Variants in PEPD observed in about 807,000 individuals in gnomAD.
The protein encoded by PEPD is peptidase D.
Under a neutral mutation model 60.7 loss-of-function variants are expected in PEPD, and 53 were observed. The ratio of observed to expected loss-of-function variants is 0.87; its 90% CI spans 0.70 to 1.10. The LOEUF (loss-of-function observed/expected upper bound fraction) is 1.10, where lower values mean the gene tolerates loss of function less well. Among genes scored for constraint, PEPD ranks in the 50% least tolerant of loss-of-function variants. PEPD has a pLI of 0.00. For synonymous variants in PEPD, 267 were observed against 284.1 expected (o/e 0.94, Z 0.60); for missense variants, 711 against 711.9 (o/e 1.00, Z 0.01).
rs149681286 is a variant in PEPD, at chr19:33,458,909, G to T, written c.671+4086C>A. Among the ~76,000 whole-genome samples the T allele has an allele frequency of 2.4e-5, 3 of 123,260 alleles. No homozygotes were observed. In the South Asian group the frequency reaches 8.2e-4, roughly 34 times the overall value. The allele number at this position is 123,260 out of a possible 152,430, so 80.9% of individuals were successfully genotyped here. A position where few individuals can be genotyped will look rare whatever the true frequency, so the allele number is the denominator to read the frequency against. ...ATCTGGGGCATGTGTCTGGTTGGGG[G>T]AGACCCTCAGGTCGTGTCCCCTCTC... On this transcript the variant is annotated intron_variant, in intron 9 of 14. Transcript: ENST00000244137.
At chr19:33,457,029 C>T (rs550913966) in intron 9 of PEPD, among the ~76,000 whole-genome samples, 24 of 150,334 alleles carry the variant, frequency 1.6e-4, no homozygotes, top group Admixed American at 9.3e-4. Flanking sequence ...CCAGAGTGCC[C>T]GGCAACACAG....
intron 7 of PEPD, among the ~76,000 whole-genome samples, chr19:33,469,401 T>C (rs1353128562): frequency 1.3e-5 from 2 of 152,138 alleles, no homozygotes; most frequent in Non-Finnish European, 2.9e-5. Context: ...AGGGCTATTC[T>C]CAACTTCCCG....
At chr19:33,492,515 CA>C (rs1266435370) in intron 5 of PEPD, among the ~76,000 whole-genome samples, 1 of 152,192 alleles carries the variant, frequency 6.6e-6, no homozygotes. Context: ...TCCATCACCT[CA>C]AGCATTTATC....
intron 11 of PEPD, among the ~76,000 whole-genome samples, chr19:33,404,350 T>C (rs1219278459): frequency 6.6e-6 from 1 of 152,054 alleles, no homozygotes; most frequent in Non-Finnish European, 1.5e-5. Flanking sequence ...CACGGATTCC[T>C]AGGAGGCGCC....
chr19:33,490,096 A>G (rs755182745), intron 5 of PEPD, 39 bp from the exon 6 acceptor site: 28 of 1,491,764 alleles, frequency 1.9e-5, no homozygotes, highest in East Asian at 1.6e-4. Flanking sequence ...ACGGGGCCGC[A>G]TGGCGCCCCC....
At chr19:33,493,944 C>T (rs143661725) in intron 4 of PEPD, among the ~76,000 whole-genome samples, 13 of 152,350 alleles carry the variant, frequency 8.5e-5, no homozygotes, top group Non-Finnish European at 1.0e-4. Context: ...CCTCTCTCCA[C>T]GCCTCTGCTC....
intron 3 of PEPD, among the ~76,000 whole-genome samples, chr19:33,505,989 T>C: frequency 8.4e-6 from 1 of 118,438 alleles, no homozygotes; most frequent in African/African-American, 3.4e-5. Flanking sequence ...ACAAACACCT[T>C]ACACATCACT....
Position 33,429,581 on chromosome 19 carries a change from AG to A in PEPD, c.672-15939del, listed in dbSNP as rs1969228145. On this transcript the variant is annotated intron_variant, in intron 9 of 14. Transcript: ENST00000244137. ...AATTATGCAAAAACTGTTATTTAAA[AG>A]AAAGTCATCAGACTATAAAGATAGA... Among the ~76,000 whole-genome samples, 3 of 152,382 alleles carry A rather than the reference AG, an allele frequency of 2.0e-5. No homozygotes were observed. In the South Asian group the frequency reaches 6.2e-4, roughly 32 times the overall value.
chr19:33,440,539 T>G (rs554559262), intron 9 of PEPD, among the ~76,000 whole-genome samples: 14 of 152,142 alleles, frequency 9.2e-5, no homozygotes, highest in Admixed American at 9.2e-4. Flanking sequence ...AGTCCTCTCC[T>G]CTGCCCGAGT....
intron 4 of PEPD, among the ~76,000 whole-genome samples, chr19:33,498,851 CAG>C (rs1420445917): frequency 3.3e-5 from 5 of 152,018 alleles, no homozygotes; most frequent in Non-Finnish European, 7.4e-5. Flanking sequence ...CCCGTTCCAC[CAG>C]GATCCCTGAG....
chr19:33,439,103 A>G (rs1969434959), intron 9 of PEPD, among the ~76,000 whole-genome samples: 1 of 152,254 alleles, frequency 6.6e-6, no homozygotes. Context: ...CAAGGACAGG[A>G]CATGGAGTCG....
At chr19:33,508,186 T>A (rs1167866032) in intron 3 of PEPD, among the ~76,000 whole-genome samples, 2 of 152,074 alleles carry the variant, frequency 1.3e-5, no homozygotes, top group African/African-American at 4.8e-5. Context: ...GTGGGACATG[T>A]CAACAGGCTC....
intron 9 of PEPD, among the ~76,000 whole-genome samples, chr19:33,438,764 G>A (rs1015801183): frequency 6.6e-6 from 1 of 152,248 alleles, no homozygotes; most frequent in Non-Finnish European, 1.5e-5. Flanking sequence ...CGCCCAGGCT[G>A]GAGTGCAGTG....
chr19:33,471,232 G>C (rs1449934720), intron 7 of PEPD, among the ~76,000 whole-genome samples: 2 of 152,168 alleles, frequency 1.3e-5, no homozygotes. Context: ...TGCTTAAATA[G>C]ACGTCTGCTG....
Position 33,387,248 on chromosome 19 carries a change from C to A in PEPD, c.*96G>T. On this transcript the variant is annotated 3_prime_UTR_variant, in exon 15 of 15. Transcript: ENST00000244137. The stretch of plus-strand genomic sequence containing the variant: ...GAAGCTGGGATCTGATTCTGGGTGC[C>A]GTCTCTCGCTACTGGAGTGCTGACC... The A allele has an allele frequency of 7.0e-7, 1 of 1,423,436 alleles. No homozygotes were observed. Among genetic ancestry groups the A allele is most frequent in the South Asian group, 1.2e-5 (1 of 84,950 alleles). The allele number at this position is 1,423,436 out of a possible 1,614,324, so 88.2% of individuals were successfully genotyped here.
chr19:33,442,888 C>T (rs1007565748), intron 9 of PEPD, among the ~76,000 whole-genome samples: 4 of 152,172 alleles, frequency 2.6e-5, no homozygotes, highest in Admixed American at 6.5e-5. Context: ...GAACGTCCAC[C>T]GGGGCTGTCC....
intron 4 of PEPD, among the ~76,000 whole-genome samples, chr19:33,496,382 A>G (rs1235813952): frequency 6.6e-6 from 1 of 152,132 alleles, no homozygotes; most frequent in Non-Finnish European, 1.5e-5. Context: ...CAGGCTGTGC[A>G]TCTCCTAGTC....
intron 12 of PEPD, among the ~76,000 whole-genome samples, chr19:33,398,161 T>TACCTCTGGCACC (rs1968409678): frequency 1.3e-5 from 2 of 152,226 alleles, no homozygotes; most frequent in Non-Finnish European, 2.9e-5. Context: ...GGCCTGGTGC[T>TACCTCTGGCACC]ACCTCTGGCA....
chr19:33,398,480 T>C (rs906427442), intron 12 of PEPD, among the ~76,000 whole-genome samples: 1 of 152,200 alleles, frequency 6.6e-6, no homozygotes, highest in Non-Finnish European at 1.5e-5. Context: ...TCTGAGAGAC[T>C]CTGGCCCACC....
Sources: gnomAD v4.1 joint callset for allele counts (sites outside exome capture counted in the v4.1 genomes callset) on GRCh38, gnomAD v4.1.1 for gene constraint, MANE v1.5 for transcripts, NCBI Gene and HGNC (gene_info 2026-07-23, HGNC 2026-07-21) for gene names.